Variants in BTBD16 observed in about 807,000 individuals in gnomAD.
BTBD16 encodes the protein BTB/POZ domain-containing protein 16.
Under a neutral mutation model 67.4 loss-of-function variants are expected in BTBD16, and 66 were observed. The observed-to-expected ratio is 0.98, with a 90% CI of 0.80 to 1.20. The LOEUF is 1.20. Among genes scored for constraint, BTBD16 ranks in the 50% most tolerant of loss-of-function variants. The pLI is 0.00. For missense variants in BTBD16, 634 were observed against 616.0 expected, an observed-to-expected ratio of 1.03 and a Z score of -0.31; for synonymous variants, 242 against 236.4, an observed-to-expected ratio of 1.02 and a Z score of -0.22.
chr10:122,292,929 T>G (rs1230120144), intron 7 of BTBD16, among the ~76,000 whole-genome samples: 1 of 152,246 alleles, frequency 6.6e-6, no homozygotes, highest in African/African-American at 2.4e-5. Flanking sequence ...GTAATATTCC[T>G]TCATTCCATT....
At chr10:122,274,763 T>C (rs766465057) in intron 1 of BTBD16, among the ~76,000 whole-genome samples, 28 of 152,264 alleles carry the variant, frequency 1.8e-4, no homozygotes, top group Middle Eastern at 6.8e-3. Flanking sequence ...TCTTCCTCAC[T>C]TTGGCAAAGG....
At position 122,332,432 on chromosome 10, in the gene BTBD16, T is replaced by A. The variant is rs1452176205; in HGVS notation, c.1087-4T>A. The A allele has an allele frequency of 6.2e-7, 1 of 1,613,756 alleles. No homozygotes were observed. The highest frequency in any genetic ancestry group is 8.5e-7 in the Non-Finnish European group (1 of 1,179,944). On this transcript the variant is annotated splice_region_variant and splice_polypyrimidine_tract_variant and intron_variant, in intron 12 of 15. Coordinates refer to ENST00000260723, the MANE Select transcript of BTBD16 (RefSeq NM_144587.5). ...GTGGTCAGCTGTGTGCATTTTCCTT[T>A]CAGCTGGAGAATGGGGGCGACATGG...
At chr10:122,294,216 A>T in intron 7 of BTBD16, 1 of 985,438 alleles carries the variant, frequency 1.0e-6, no homozygotes, top group Non-Finnish European at 1.2e-6. Context: ...AGGGTGTGGC[A>T]TCATAGGATA....
intron 9 of BTBD16, chr10:122,303,761 ACAGCCCATAGAGGG>A: frequency 2.2e-6 from 1 of 446,892 alleles, no homozygotes; most frequent in Non-Finnish European, 3.0e-6. Context: ...CACACATGGT[ACAGCCCATAGAGGG>A]AGGTTCAAGT....
intron 2 of BTBD16, among the ~76,000 whole-genome samples, chr10:122,275,878 AAGAC>A (rs2096339511): frequency 6.6e-6 from 1 of 151,648 alleles, no homozygotes; most frequent in South Asian, 2.1e-4. Context: ...AAAGAATAAA[AAGAC>A]AGGTGTTCAA....
rs1182054846 is a variant in BTBD16 at position 122,332,740 on chromosome 10, C to A, written c.1164+227C>A. ...TTAATAATTTCCCCACTAAGAGGACCAGCAGTCCTGGTGGTACTGGAATGG... is the reference window on the plus strand; with the variant it reads ...TTAATAATTTCCCCACTAAGAGGACAAGCAGTCCTGGTGGTACTGGAATGG... On this transcript the variant is annotated intron_variant, in intron 13 of 15. Transcript: ENST00000260723. 7.1e-6 allele frequency: 6 copies of A among 850,448 alleles called. No individual in the cohort carries two copies. In the African/African-American group the frequency reaches 9.2e-5, roughly 13 times the overall value. The allele number at this position is 850,448 out of a possible 1,614,324, so 52.7% of individuals were successfully genotyped here.
At chr10:122,326,962 C>G (rs1440299096) in intron 10 of BTBD16, among the ~76,000 whole-genome samples, 3 of 152,226 alleles carry the variant, frequency 2.0e-5, no homozygotes, top group Admixed American at 2.0e-4. Flanking sequence ...TTAGCAGCTG[C>G]TTGCTCCCTC....
chr10:122,322,090 G>C (rs546236874), intron 10 of BTBD16, among the ~76,000 whole-genome samples: 1 of 151,842 alleles, frequency 6.6e-6, no homozygotes, highest in South Asian at 2.1e-4. Flanking sequence ...TTCTTTCCTC[G>C]ATCAGCATTG....
chr10:122,273,032 T>C (rs966063430), intron 1 of BTBD16, among the ~76,000 whole-genome samples: 1 of 146,274 alleles, frequency 6.8e-6, no homozygotes, highest in East Asian at 2.1e-4. Context: ...ATAAATACGA[T>C]GATACTACCT....
intron 7 of BTBD16, among the ~76,000 whole-genome samples, chr10:122,292,257 G>A (rs1217565299): frequency 6.6e-6 from 1 of 152,242 alleles, no homozygotes; most frequent in Admixed American, 6.5e-5. Context: ...CTTTGTTGGG[G>A]ATTAGGGGAT....
intron 10 of BTBD16, among the ~76,000 whole-genome samples, chr10:122,313,030 C>T (rs2096416901): frequency 6.6e-6 from 1 of 151,860 alleles, no homozygotes; most frequent in Non-Finnish European, 1.5e-5. Context: ...GCATGTGCTA[C>T]CACGCCTGGC....
rs867955604 is a variant in BTBD16 at position 122,305,412 on chromosome 10, G to A, written c.792-1777G>A. Among the ~76,000 whole-genome samples the A allele has an allele frequency of 3.3e-5, 5 of 152,234 alleles. No individual in the cohort carries two copies. In the Middle Eastern group the frequency reaches 0.01, roughly 311 times the overall value. The stretch of plus-strand genomic sequence containing the variant: ...CTAATGGCTTAGCACCATCCTCTTG[G>A]TGCTGTTCTCCTGATAGTGAGTGAG... On this transcript the variant is annotated intron_variant, in intron 9 of 15. Coordinates refer to ENST00000260723, the MANE Select transcript of BTBD16 (RefSeq NM_144587.5).
chr10:122,302,988 T>C (rs1448135022), intron 9 of BTBD16, among the ~76,000 whole-genome samples: 2 of 152,168 alleles, frequency 1.3e-5, no homozygotes, highest in Non-Finnish European at 1.5e-5. Flanking sequence ...TTTTTCCTTA[T>C]TGATGGTCAA....
chr10:122,292,261 A>G (rs1286358273), intron 7 of BTBD16, among the ~76,000 whole-genome samples: 1 of 152,238 alleles, frequency 6.6e-6, no homozygotes, highest in East Asian at 1.9e-4. Context: ...GTTGGGGATT[A>G]GGGGATGTCA....
chr10:122,298,925 C>T (rs949683263), intron 8 of BTBD16, 79 bp from the exon 9 acceptor site: 44 of 1,575,112 alleles, frequency 2.8e-5, no homozygotes, highest in Middle Eastern at 1.8e-4. Flanking sequence ...TCTGAGCACA[C>T]GTGTAGTGTC....
At chr10:122,273,755 GAA>G (rs2096334358) in intron 1 of BTBD16, among the ~76,000 whole-genome samples, 1 of 152,058 alleles carries the variant, frequency 6.6e-6, no homozygotes, top group African/African-American at 2.4e-5. Context: ...CTCAAAAAAA[GAA>G]AAAGTGATAT....
At chr10:122,283,466 T>C (rs1006940579) in intron 3 of BTBD16, among the ~76,000 whole-genome samples, 1 of 152,202 alleles carries the variant, frequency 6.6e-6, no homozygotes, top group Admixed American at 6.5e-5. Context: ...AAGAAAAATG[T>C]TGGTGAGTTC....
At position 122,289,936 on chromosome 10, in the gene BTBD16, A is replaced by AATC. The variant is rs1165622883; in HGVS notation, c.414_416dup (p.Ser139dup). Reference sequence around the variant, plus strand: ...CAATCACCTAAGAAGACCAAAGAAAAATCCCCTGCAAAGAGGATCATCATT... The same window carrying AATC: ...CAATCACCTAAGAAGACCAAAGAAAAATCATCCCCTGCAAAGAGGATCATCATT... On this transcript the variant is annotated inframe_insertion, in exon 6 of 16. Transcript: ENST00000260723. The AATC allele has an allele frequency of 6.2e-7, 1 of 1,613,876 alleles. No homozygotes were observed. Among genetic ancestry groups the AATC allele is most frequent in the Middle Eastern group, 1.7e-4 (1 of 6,060 alleles).
intron 5 of BTBD16, among the ~76,000 whole-genome samples, chr10:122,289,202 C>T (rs748663583): frequency 6.6e-6 from 1 of 152,088 alleles, no homozygotes; most frequent in Admixed American, 6.5e-5. Context: ...TCCAGGTGCT[C>T]GGGTTACAGA....
Sources: allele counts gnomAD v4.1 joint callset (sites outside exome capture counted in the v4.1 genomes callset), GRCh38; gene constraint gnomAD v4.1.1; transcripts MANE v1.5; gene names NCBI Gene and HGNC (gene_info 2026-07-23, HGNC 2026-07-21).